The following EARS2 variants were observed in gnomAD, a reference collection of about 807,000 sequenced individuals.
EARS2 encodes nondiscriminating glutamyl-tRNA synthetase EARS2, mitochondrial.
In EARS2, 50 loss-of-function variants were observed where a neutral mutation model predicts 54.1. The ratio of observed to expected loss-of-function variants is 0.92; its 90% CI spans 0.74 to 1.17. The LOEUF is 1.17. Ranked by LOEUF, EARS2 falls within the 50% of genes most tolerant of loss-of-function variation. EARS2 has a pLI of 0.00. For synonymous variants in EARS2, 298 were observed against 281.0 expected (o/e 1.06, Z -0.61); for missense variants, 673 against 675.0 (o/e 1.00, Z 0.03).
intron 4 of EARS2, among the ~76,000 whole-genome samples, chr16:23,533,776 C>A (rs925696960): frequency 5.3e-5 from 8 of 152,280 alleles, no homozygotes; most frequent in African/African-American, 1.9e-4. Context: ...AAGAACCAGG[C>A]CAGGCACGGT....
At chr16:23,556,858 G>A (rs1351325766) in intron 1 of EARS2, 1 of 547,996 alleles carries the variant, frequency 1.8e-6, no homozygotes, top group African/African-American at 1.9e-5. Context: ...GCAGCCACTA[G>A]AATGCAGACT....
At position 23,532,570 on chromosome 16, in the gene EARS2, C is replaced by T. The variant is rs1190245303; in HGVS notation, c.1067+87G>A. 5 of 882,374 alleles carry T rather than the reference C, an allele frequency of 5.7e-6. No homozygotes were observed. The East Asian group carries it at 1.3e-4, about 23-fold the overall frequency. The allele number at this position is 882,374 out of a possible 1,614,324, so 54.7% of individuals were successfully genotyped here. A position where few individuals can be genotyped will look rare whatever the true frequency, so the allele number is the denominator to read the frequency against. ...AGCCATGGTCACACAGAATTAGGTA[C>T]CAGAGCCCATTATACCCTCTGCTGT... On this transcript the variant is annotated intron_variant, in intron 5 of 8. Coordinates refer to ENST00000449606, the MANE Select transcript of EARS2 (RefSeq NM_001083614.2).
At chr16:23,526,641 C>T (rs533252330) in intron 7 of EARS2, among the ~76,000 whole-genome samples, 39 of 152,222 alleles carry the variant, frequency 2.6e-4, no homozygotes, top group Middle Eastern at 3.4e-3. Flanking sequence ...TCTTTGGAGA[C>T]GTAGCCAAGA....
intron 5 of EARS2, among the ~76,000 whole-genome samples, chr16:23,532,350 G>A (rs1486776195): frequency 1.3e-5 from 2 of 152,112 alleles, no homozygotes; most frequent in African/African-American, 4.8e-5. Context: ...GCAAGGGGTG[G>A]CTAGGAACAT....
intron 2 of EARS2, chr16:23,545,034 G>A (rs550184386): frequency 3.5e-5 from 7 of 200,402 alleles, no homozygotes; most frequent in East Asian, 1.2e-4. Context: ...TAGAGACAGC[G>A]TTTCACCATG....
rs1480152523 is a variant in EARS2, at chr16:23,557,273, C to G, written c.71G>C (p.Arg24Pro). 3 of 1,519,870 alleles carry G rather than the reference C, an allele frequency of 2.0e-6. No individual in the cohort carries two copies. The highest frequency in any genetic ancestry group is 2.6e-6 in the Non-Finnish European group (3 of 1,145,176). The allele number at this position is 1,519,870 out of a possible 1,614,324, so 94.1% of individuals were successfully genotyped here. A position where few individuals can be genotyped will look rare whatever the true frequency, so the allele number is the denominator to read the frequency against. The stretch of plus-strand genomic sequence containing the variant: ...ATCAGTGCCCAGGTTGGCCTCGCGC[C>G]GTCCTACGGGGCGGCCAGAGGCCGC... ...PSAASGRPVG[R>P]REANLGTDAG... is the part of the protein sequence containing the mutation. The change falls in exon 1 of 9, where the codon CGG becomes CCG. Residue 24 changes from arginine (R) to proline (P), a missense_variant. Arg to Pro is a moderately radical substitution (Grantham distance 103, BLOSUM62 -2). Coordinates refer to ENST00000449606, the MANE Select transcript of EARS2 (RefSeq NM_001083614.2).
chr16:23,544,089 G>A (rs539066260), intron 3 of EARS2, among the ~76,000 whole-genome samples: 3 of 152,322 alleles, frequency 2.0e-5, no homozygotes, highest in South Asian at 2.1e-4. Flanking sequence ...CAAAAGTGGT[G>A]AGAAGTTGCT....
intron 3 of EARS2, among the ~76,000 whole-genome samples, chr16:23,539,003 G>C (rs1001489619): frequency 7.0e-6 from 1 of 143,736 alleles, no homozygotes; most frequent in African/African-American, 2.6e-5. Context: ...TTTGAGACAG[G>C]GTCTCATTCT....
chr16:23,538,973 CTTT>C (rs34153998), intron 3 of EARS2, among the ~76,000 whole-genome samples: 28 of 83,834 alleles, frequency 3.3e-4, no homozygotes, highest in Middle Eastern at 6.5e-3. Context: ...GGCCCCCCTC[CTTT>C]TTTTTTTTTT....
intron 3 of EARS2, among the ~76,000 whole-genome samples, chr16:23,538,377 G>A (rs1187303995): frequency 3.4e-5 from 5 of 149,144 alleles, no homozygotes; most frequent in African/African-American, 1.2e-4. Flanking sequence ...GACCTCAGGT[G>A]ATCTGCCTAC....
rs1347357173 is a variant in EARS2 at position 23,525,377 on chromosome 16, A to G, written c.1355T>C (p.Leu452Pro). 6.2e-7 allele frequency: 1 copy of G among 1,611,874 alleles called. No homozygotes were observed. The change falls in exon 8 of 9, where the codon CTT becomes CCT. Residue 452 changes from leucine to proline, a missense_variant and splice_region_variant. By Grantham distance (98) the Leu-to-Pro change is moderately conservative. Coordinates refer to ENST00000449606, the MANE Select transcript of EARS2 (RefSeq NM_001083614.2). ...VDVIAKRVLGLLERSSMSLTQ... is the reference protein window; with the variant it reads ...VDVIAKRVLGPLERSSMSLTQ... ...TAAGCTCATACTAGATCTTTCTAGAAGCCTAGAAGAAGAGGGCCAGTTTAC... is the reference window on the plus strand; with the variant it reads ...TAAGCTCATACTAGATCTTTCTAGAGGCCTAGAAGAAGAGGGCCAGTTTAC...
In EARS2 at chr16:23,535,147, C is replaced by A. The variant is rs751170482; in HGVS notation, c.699G>T (p.Val233=). Residue 233 remains valine, a synonymous_variant, in exon 4 of 9, where the codon GTG becomes GTT. Coordinates refer to ENST00000449606, the MANE Select transcript of EARS2 (RefSeq NM_001083614.2). ...TGATGCCCATGTGGTGGTCGTCCAC[C>A]ACGCAGGCCAGGTGGTATGTGGGGA... The part of the protein sequence containing the change: ...DGFPTYHLAC[V]VDDHHMGISH... 1.9e-6 allele frequency: 3 copies of A among 1,613,202 alleles called. No homozygotes were observed. Among genetic ancestry groups the A allele is most frequent in the Non-Finnish European group, 2.5e-6 (3 of 1,179,878 alleles).
At chr16:23,528,216 A>G (rs758937347) in intron 7 of EARS2, among the ~76,000 whole-genome samples, 2 of 152,248 alleles carry the variant, frequency 1.3e-5, no homozygotes, top group African/African-American at 4.8e-5. Context: ...ATTTTGCTAT[A>G]GCAACCCCAT....
intron 3 of EARS2, among the ~76,000 whole-genome samples, chr16:23,542,456 T>G (rs1965531493): frequency 6.7e-6 from 1 of 148,390 alleles, no homozygotes. Flanking sequence ...CAGCTGGGAC[T>G]ACATGCGCAC....
In EARS2 at chr16:23,526,090, T is replaced by C. The variant is rs373301523; in HGVS notation, c.1353-711A>G. On this transcript the variant is annotated intron_variant, in intron 7 of 8. Coordinates refer to ENST00000449606, the MANE Select transcript of EARS2 (RefSeq NM_001083614.2). ...AAGCACCAAGTGCCTGAACACATGA[T>C]AAATACTCAGAAATATTACCTTTTT... 4.7e-5 allele frequency among the ~76,000 whole-genome samples: 7 copies of C among 149,700 alleles called. No individual in the cohort carries two copies. In the East Asian group the frequency reaches 1.4e-3, roughly 30 times the overall value.
At position 23,534,791 on chromosome 16, in the gene EARS2, G is replaced by A. The variant is rs759775898; in HGVS notation, c.958+97C>T. ...GTCCAAGGTCACCTGGCTGGTAGGT[G>A]GCAAAGCTGGGACCAAAGAGCAGGA... is the stretch of plus-strand genomic sequence containing the variant. On this transcript the variant is annotated intron_variant, in intron 4 of 8. Transcript: ENST00000449606. The A allele has an allele frequency of 2.1e-4, 227 of 1,094,340 alleles. 1 individual carries two copies. The highest frequency in any genetic ancestry group is 2.7e-4 in the Non-Finnish European group (210 of 773,982). 67.8% of individuals were successfully genotyped at this position (1,094,340 alleles called of 1,614,324 possible).
intron 2 of EARS2, among the ~76,000 whole-genome samples, chr16:23,547,651 T>C (rs1965626031): frequency 6.6e-6 from 1 of 152,048 alleles, no homozygotes; most frequent in South Asian, 2.1e-4. Context: ...ATTACAAGCA[T>C]GTGCCACCAC....
chr16:23,541,372 A>C (rs1388618748), intron 3 of EARS2, among the ~76,000 whole-genome samples: 1 of 152,050 alleles, frequency 6.6e-6, no homozygotes, highest in African/African-American at 2.4e-5. Context: ...CAAAACAAAA[A>C]TAAATGTTTG....
chr16:23,529,577 G>A lies in EARS2; in HGVS notation c.1277C>T (p.Thr426Ile), dbSNP rs774926733. 6.2e-7 allele frequency: 1 copy of A among 1,614,082 alleles called. No individual in the cohort carries two copies. Among genetic ancestry groups the A allele is most frequent in the Non-Finnish European group, 8.5e-7 (1 of 1,180,042 alleles). Residue 426 changes from threonine (T) to isoleucine (I), a missense_variant, in exon 7 of 9, where the codon ACT becomes ATT. Around this residue, in one of 3 missense-constraint regions of EARS2, gnomAD observed 338 missense variants for 361.2 expected, o/e 0.94. Transcript: ENST00000449606. The part of the protein sequence containing the change: ...LVSPVYSYLW[T>I]RPAVGRAQLD... The stretch of plus-strand genomic sequence containing the variant: ...CTGTGCTCGACCTACTGCAGGGCGA[G>A]TCCACAGGTAAGAGTATACTGGGGA...
Sources: allele counts gnomAD v4.1 joint callset (sites outside exome capture counted in the v4.1 genomes callset), GRCh38; gene constraint gnomAD v4.1.1; regional missense constraint gnomAD v4.1.1; transcripts MANE v1.5; gene names NCBI Gene and HGNC (gene_info 2026-07-23, HGNC 2026-07-21).